DDX19A: variants seen among roughly 807,000 people sequenced by gnomAD.
DDX19A encodes the protein DEAD-box helicase 19A, also known as ATP-dependent RNA helicase DDX19A.
A neutral mutation model predicts 60.6 loss-of-function variants in DDX19A; 12 were observed. The observed-to-expected ratio is 0.20, with a 90% confidence interval of 0.13 to 0.32. DDX19A has a LOEUF of 0.32. DDX19A is among the 10% of genes least tolerant of loss of function. DDX19A has a pLI of 1.00. For missense variants in DDX19A, 337 were observed against 600.6 expected, an observed-to-expected ratio of 0.56 and a Z score of 4.59; for synonymous variants, 206 against 218.2, an observed-to-expected ratio of 0.94 and a Z score of 0.49.
At chr16:70,371,232 C>A in intron 10 of DDX19A, 140 bp from the exon 11 acceptor site, 1 of 1,462,754 alleles carries the variant, frequency 6.8e-7, no homozygotes, top group East Asian at 2.3e-5. Flanking sequence ...ATATGTGTGC[C>A]CTCTCTTGTA....
intron 5 of DDX19A, 200 bp from the exon 6 acceptor site, chr16:70,364,343 T>C: frequency 1.8e-6 from 1 of 563,746 alleles, no homozygotes. Flanking sequence ...CCATTTAAAA[T>C]AATCATTTAT....
chr16:70,368,466 T>C (rs907514226), intron 9 of DDX19A, among the ~76,000 whole-genome samples: 2 of 152,148 alleles, frequency 1.3e-5, no homozygotes, highest in African/African-American at 4.8e-5. Flanking sequence ...ACAGGGGGTT[T>C]CACCATGTTG....
Position 70,366,610 on chromosome 16 carries a change from G to A in DDX19A, c.783-14G>A. The A allele has an allele frequency of 6.2e-7, 1 of 1,614,078 alleles. No homozygotes were observed. The highest frequency in any genetic ancestry group is 8.5e-7 in the Non-Finnish European group (1 of 1,180,000). ...GGGCCACCTGGGGCCATCTACCCGG[G>A]CCTTCCCTTGCAGGATGCTGCCCAG... On this transcript the variant is annotated splice_polypyrimidine_tract_variant and intron_variant, in intron 8 of 11. Coordinates refer to ENST00000302243, the MANE Select transcript of DDX19A (RefSeq NM_018332.5).
intron 9 of DDX19A, among the ~76,000 whole-genome samples, chr16:70,367,605 C>T (rs191001112): frequency 2.0e-5 from 3 of 152,292 alleles, no homozygotes; most frequent in East Asian, 3.9e-4. Context: ...CACCGGAGCA[C>T]GGTGGCTCAT....
At chr16:70,362,750 A>T (rs1448293091) in intron 5 of DDX19A, among the ~76,000 whole-genome samples, 1 of 151,994 alleles carries the variant, frequency 6.6e-6, no homozygotes, top group African/African-American at 2.4e-5. Flanking sequence ...GCTGACTTTA[A>T]AAAAACTTTT....
chr16:70,351,120 G>A (rs1415686788), intron 2 of DDX19A, among the ~76,000 whole-genome samples: 1 of 151,246 alleles, frequency 6.6e-6, no homozygotes, highest in African/African-American at 2.4e-5. Context: ...CTGTCCTCGT[G>A]ATCCACCCAC....
chr16:70,367,321 G>A (rs1029819268), intron 9 of DDX19A, among the ~76,000 whole-genome samples: 4 of 151,818 alleles, frequency 2.6e-5, no homozygotes, highest in African/African-American at 4.8e-5. Context: ...CCAGCTACTC[G>A]GGAGGCTGAG....
chr16:70,355,583 T>C, intron 3 of DDX19A, 48 bp downstream of exon 3: 1 of 1,532,298 alleles, frequency 6.5e-7, no homozygotes, highest in Non-Finnish European at 9.0e-7. Flanking sequence ...GACCCAGGGC[T>C]TGCCTTCCTG....
intron 9 of DDX19A, among the ~76,000 whole-genome samples, chr16:70,368,603 G>A (rs1202910079): frequency 1.3e-5 from 2 of 148,548 alleles, no homozygotes; most frequent in Non-Finnish European, 3.0e-5. Context: ...TTTTTTAGAC[G>A]GTCTCACTAT....
intron 2 of DDX19A, among the ~76,000 whole-genome samples, chr16:70,352,850 C>CTGG (rs1038235957): frequency 6.0e-5 from 9 of 150,488 alleles, no homozygotes; most frequent in African/African-American, 2.2e-4. Flanking sequence ...CTTGGTCAGG[C>CTGG]TGGTCTCGAA....
chr16:70,365,010 C>A lies in DDX19A; in HGVS notation c.490-7C>A. Reference sequence around the variant, plus strand: ...CCTAAACTCATCCTTTATGATTTTTCTGTCAGTGTCTGTGCCTCTCCCCAA... The same window carrying A: ...CCTAAACTCATCCTTTATGATTTTTATGTCAGTGTCTGTGCCTCTCCCCAA... On this transcript the variant is annotated splice_region_variant and splice_polypyrimidine_tract_variant and intron_variant, in intron 6 of 11. Transcript: ENST00000302243. The A allele has an allele frequency of 6.2e-7, 1 of 1,611,410 alleles. No individual in the cohort carries two copies. Among genetic ancestry groups the A allele is most frequent in the South Asian group, 1.1e-5 (1 of 90,950 alleles).
At chr16:70,355,559 G>T (rs751451336) in intron 3 of DDX19A, 24 bp downstream of exon 3, 2 of 1,608,458 alleles carry the variant, frequency 1.2e-6, no homozygotes, top group Non-Finnish European at 1.7e-6. Context: ...GATGCCCTTG[G>T]CAAGAGACGG....
chr16:70,361,342 G>C (rs140844319), intron 4 of DDX19A, 76 bp from the exon 5 acceptor site: 3 of 1,120,960 alleles, frequency 2.7e-6, no homozygotes, highest in African/African-American at 3.1e-5. Flanking sequence ...CCTTTCTATA[G>C]AAAAAGATAA....
intron 11 of DDX19A, among the ~76,000 whole-genome samples, 173 bp from the exon 12 acceptor site, chr16:70,371,752 C>T (rs1474367661): frequency 6.6e-6 from 1 of 152,146 alleles, no homozygotes; most frequent in Non-Finnish European, 1.5e-5. Flanking sequence ...AAGGACAGCT[C>T]CCCTGTGACT....
chr16:70,366,380 A>G, intron 8 of DDX19A, 118 bp downstream of exon 8: 1 of 1,465,504 alleles, frequency 6.8e-7, no homozygotes, highest in Non-Finnish European at 9.3e-7. Flanking sequence ...TCTCAGCAGC[A>G]TTTGTTTGAC....
chr16:70,366,060 A>T lies in DDX19A; in HGVS notation c.605-25A>T, dbSNP rs765996376. 4 of 1,614,140 alleles carry T rather than the reference A, an allele frequency of 2.5e-6. No homozygotes were observed. The South Asian group carries it at 3.3e-5, about 13-fold the overall frequency. ...AGCTGGCTTTGCCTTTGAAATACCT[A>T]TGAAAATCACCTGGGTCTCCACAGT... On this transcript the variant is annotated intron_variant, in intron 7 of 11. Coordinates refer to ENST00000302243, the MANE Select transcript of DDX19A (RefSeq NM_018332.5).
At chr16:70,354,856 G>A (rs201598612) in intron 2 of DDX19A, among the ~76,000 whole-genome samples, 1 of 152,132 alleles carries the variant, frequency 6.6e-6, no homozygotes, top group East Asian at 1.9e-4. Flanking sequence ...GGTTAAGGCA[G>A]GAGGATGTGG....
At chr16:70,357,664 A>C (rs1964254279) in intron 4 of DDX19A, among the ~76,000 whole-genome samples, 1 of 151,972 alleles carries the variant, frequency 6.6e-6, no homozygotes, top group South Asian at 2.1e-4. Context: ...GATTACAGGC[A>C]TGACCCACTG....
intron 6 of DDX19A, 47 bp downstream of exon 6, chr16:70,364,692 G>A (rs756941163): frequency 2.2e-6 from 3 of 1,390,408 alleles, no homozygotes; most frequent in Middle Eastern, 1.8e-4. Context: ...GCCCTGGGGA[G>A]CGCAGTGCCA....
Sources: allele counts gnomAD v4.1 joint callset (sites outside exome capture counted in the v4.1 genomes callset), GRCh38; gene constraint gnomAD v4.1.1; transcripts MANE v1.5; gene names NCBI Gene and HGNC (gene_info 2026-07-23, HGNC 2026-07-21).